MCC: variants seen among roughly 807,000 people sequenced by gnomAD.
MCC encodes colorectal mutant cancer protein.
MCC carries 90 observed loss-of-function variants against 116.2 expected under a neutral mutation model. The ratio of observed to expected loss-of-function variants is 0.77; its 90% CI spans 0.65 to 0.92. The LOEUF (loss-of-function observed/expected upper bound fraction) is 0.92, where lower values mean the gene tolerates loss of function less well. MCC is among the 40% of genes least tolerant of loss of function. The probability of loss-of-function intolerance (pLI) is 0.00; values close to 1 mark genes in which losing one functional copy is unlikely to be tolerated. For synonymous variants in MCC, 578 were observed against 510.5 expected (o/e 1.13, Z -1.78); for missense variants, 1,516 against 1,312.2 (o/e 1.16, Z -2.40).
At chr5:113,045,849 C>T (rs535440999) in intron 16 of MCC, among the ~76,000 whole-genome samples, 2 of 151,854 alleles carry the variant, frequency 1.3e-5, no homozygotes, top group African/African-American at 4.8e-5. Context: ...ACAGCCATGG[C>T]CACTGGTCTC....
intron 1 of MCC, among the ~76,000 whole-genome samples, chr5:113,443,991 T>TTGTGTGTGTGTC (rs1554084180): frequency 1.4e-5 from 2 of 144,084 alleles, no homozygotes; most frequent in East Asian, 4.1e-4. Context: ...CTCGGCTAAT[T>TTGTGTGTGTGTC]TGTGTGTGTG....
At chr5:113,297,733 C>G (rs1466554164) in intron 3 of MCC, among the ~76,000 whole-genome samples, 1 of 102,760 alleles carries the variant, frequency 9.7e-6, no homozygotes, top group Non-Finnish European at 1.7e-5. Flanking sequence ...CCCTGGGTGA[C>G]AGAGTGACTC....
chr5:113,434,172 T>C lies in MCC; in HGVS notation c.171-48960A>G, dbSNP rs1770769246. On this transcript the variant is annotated intron_variant, in intron 1 of 18. Transcript: ENST00000408903. This position sits in a 1 kb window ranked among gnomAD's most constrained non-coding sequence, Gnocchi z 4.2. Reference sequence around the variant, plus strand: ...GTGCTCCTTCTGGATACGCAGCATCTTCTTGATGTTGGAGTCGTCGTAGGG... The same window carrying C: ...GTGCTCCTTCTGGATACGCAGCATCCTCTTGATGTTGGAGTCGTCGTAGGG... 1 of 1,614,036 alleles carries C rather than the reference T, an allele frequency of 6.2e-7. No homozygotes were observed. Among genetic ancestry groups the C allele is most frequent in the African/African-American group, 1.3e-5 (1 of 74,932 alleles).
chr5:113,346,515 G>A (rs1264619704), intron 2 of MCC, among the ~76,000 whole-genome samples: 4 of 152,042 alleles, frequency 2.6e-5, no homozygotes, highest in Non-Finnish European at 5.9e-5. Flanking sequence ...CAGGAGAATT[G>A]CTTGAACCTG....
chr5:113,367,628 G>GT (rs910781759), intron 2 of MCC, among the ~76,000 whole-genome samples: 16 of 93,200 alleles, frequency 1.7e-4, no homozygotes, highest in Non-Finnish European at 2.2e-4. Flanking sequence ...AAGGCAGAGG[G>GT]TGGGGGGGGG....
At chr5:113,032,118 C>T (rs980101442) in intron 17 of MCC, among the ~76,000 whole-genome samples, 41 of 152,356 alleles carry the variant, frequency 2.7e-4, no homozygotes, top group African/African-American at 7.5e-4. Context: ...TTAAAAAATA[C>T]TGATTACAGG....
intron 5 of MCC, among the ~76,000 whole-genome samples, chr5:113,132,443 TACACACACACACACACACAC>T (rs140363649): frequency 1.4e-4 from 5 of 36,572 alleles, no homozygotes; most frequent in Non-Finnish European, 2.4e-4. Flanking sequence ...TATATATATA[TACACACACACACACACACAC>T]ACACACACAC....
chr5:113,329,394 AC>A, intron 3 of MCC, among the ~76,000 whole-genome samples: 1 of 152,072 alleles, frequency 6.6e-6, no homozygotes, highest in Non-Finnish European at 1.5e-5. Context: ...ACACACACAC[AC>A]ACACACAGAA....
chr5:113,242,519 TAGTA>T (rs1044728677), intron 3 of MCC, among the ~76,000 whole-genome samples: 4 of 151,780 alleles, frequency 2.6e-5, no homozygotes, highest in African/African-American at 9.7e-5. Context: ...AGATATGAAT[TAGTA>T]AGAGTTAATT....
Position 113,153,318 on chromosome 5 carries a change from G to C in MCC, c.628-1896C>G, listed in dbSNP as rs544126962. Among the ~76,000 whole-genome samples, 9 of 152,252 alleles carry C rather than the reference G, an allele frequency of 5.9e-5. No individual in the cohort carries two copies. In the South Asian group the frequency reaches 1.9e-3, roughly 32 times the overall value. On this transcript the variant is annotated intron_variant, in intron 3 of 18. Coordinates refer to ENST00000408903, the MANE Select transcript of MCC (RefSeq NM_001085377.2). Reference sequence around the variant, plus strand: ...GAAAGGGCTGCTTGAAGGGGTTGGGGGAGGCCTGGAGGGAAAAGCTGAGAG... The same window carrying C: ...GAAAGGGCTGCTTGAAGGGGTTGGGCGAGGCCTGGAGGGAAAAGCTGAGAG...
intron 16 of MCC, among the ~76,000 whole-genome samples, chr5:113,046,287 G>C (rs1752067386): frequency 6.6e-6 from 1 of 151,994 alleles, no homozygotes; most frequent in South Asian, 2.1e-4. Flanking sequence ...CCGCCTCCCA[G>C]GTTCAAGCAG....
intron 5 of MCC, among the ~76,000 whole-genome samples, chr5:113,136,250 T>G (rs1386330534): frequency 6.6e-6 from 1 of 152,196 alleles, no homozygotes; most frequent in Non-Finnish European, 1.5e-5. Flanking sequence ...TCTCAGCTGG[T>G]TAGAATTCTT....
At chr5:113,185,106 C>G (rs530328200) in intron 3 of MCC, among the ~76,000 whole-genome samples, 3 of 152,206 alleles carry the variant, frequency 2.0e-5, no homozygotes, top group East Asian at 3.9e-4. Flanking sequence ...AGCCTCTGCA[C>G]GATGGTTCAA....
intron 2 of MCC, among the ~76,000 whole-genome samples, chr5:113,369,415 T>G (rs535538247): frequency 5.3e-4 from 80 of 152,304 alleles, no homozygotes; most frequent in African/African-American, 1.8e-3. Context: ...TATTTTATAA[T>G]ATCACAAATA....
chr5:113,183,351 G>T (rs1358081505), intron 3 of MCC, among the ~76,000 whole-genome samples: 3 of 152,170 alleles, frequency 2.0e-5, no homozygotes, highest in Admixed American at 2.0e-4. Context: ...TTCAATATGT[G>T]CAACTTAATT....
At chr5:113,165,886 A>G (rs1018430542) in intron 3 of MCC, among the ~76,000 whole-genome samples, 1 of 141,834 alleles carries the variant, frequency 7.1e-6, no homozygotes, top group Non-Finnish European at 1.5e-5. Context: ...TTCATCATAT[A>G]TTTTTGGGAA....
chr5:113,133,122 T>A (rs1401511064), intron 5 of MCC, among the ~76,000 whole-genome samples: 1 of 152,212 alleles, frequency 6.6e-6, no homozygotes, highest in Non-Finnish European at 1.5e-5. Context: ...TCCATCACCT[T>A]CAACATGTAT....
Position 113,071,085 on chromosome 5 carries a change from T to A in MCC, c.1925+9A>T. On this transcript the variant is annotated intron_variant, in intron 12 of 18. Transcript: ENST00000408903. ...TGAAGTAGCTCCAAACATCCCAGTG[T>A]GTGCCTACCTGTACTGCAAGGCCAG... 6.3e-7 allele frequency: 1 copy of A among 1,599,478 alleles called. No individual in the cohort carries two copies. The highest frequency in any genetic ancestry group is 8.5e-7 in the Non-Finnish European group (1 of 1,174,080).
At chr5:113,071,593 A>G (rs1754047834) in intron 11 of MCC, among the ~76,000 whole-genome samples, 1 of 152,188 alleles carries the variant, frequency 6.6e-6, no homozygotes, top group South Asian at 2.1e-4. Flanking sequence ...GGGCTTAGAT[A>G]AGTCACCCTC....
Sources: gnomAD v4.1 joint callset for allele counts (sites outside exome capture counted in the v4.1 genomes callset) on GRCh38, gnomAD v4.1.1 for gene constraint, Gnocchi (gnomAD v3.1) non-coding constraint, MANE v1.5 for transcripts, NCBI Gene and HGNC (gene_info 2026-07-23, HGNC 2026-07-21) for gene names.